SLC43A2: variants seen among roughly 807,000 people sequenced by gnomAD.
SLC43A2 encodes large neutral amino acids transporter small subunit 4.
In SLC43A2, 38 loss-of-function variants were observed where a neutral mutation model predicts 63.2. The ratio of observed to expected loss-of-function variants is 0.60; its 90% CI spans 0.46 to 0.79. SLC43A2 has a LOEUF of 0.79. SLC43A2 is among the 30% of genes least tolerant of loss of function. The pLI is 0.00. For missense variants in SLC43A2, 644 were observed against 756.2 expected, an observed-to-expected ratio of 0.85 and a Z score of 1.74; for synonymous variants, 322 against 331.0, an observed-to-expected ratio of 0.97 and a Z score of 0.30.
intron 9 of SLC43A2, chr17:1,586,928 T>TCCCCCCCCCCCCCCCCCCCCCCCCCG: frequency 5.7e-6 from 7 of 1,232,912 alleles, no homozygotes; most frequent in South Asian, 1.3e-5. Context: ...TCCCTGACAA[T>TCCCCCCCCCCCCCCCCCCCCCCCCCG]CCCCCCCACC....
intron 5 of SLC43A2, chr17:1,602,956 A>C (rs1906210583): frequency 6.6e-6 from 1 of 151,478 alleles, no homozygotes; most frequent in Non-Finnish European, 1.5e-5. Context: ...ACAGGGTTTC[A>C]CCATGTTGGC....
At chr17:1,623,638 GGCTGTAC>G (rs1908363311) in intron 2 of SLC43A2, among the ~76,000 whole-genome samples, 3 of 142,464 alleles carry the variant, frequency 2.1e-5, no homozygotes, top group Non-Finnish European at 3.0e-5. Context: ...CTCTCCTCCA[GGCTGTAC>G]CCTCCTCTCC....
intron 5 of SLC43A2, among the ~76,000 whole-genome samples, chr17:1,595,027 T>TA (rs1055707895): frequency 6.1e-4 from 92 of 151,278 alleles, no homozygotes; most frequent in East Asian, 9.7e-4. Context: ...TTTTTAAAGT[T>TA]AAAAAAAAGA....
intron 6 of SLC43A2, 34 bp from the exon 7 acceptor site, chr17:1,591,733 G>GA: frequency 1.7e-6 from 1 of 598,522 alleles, no homozygotes; most frequent in Non-Finnish European, 3.0e-6. Context: ...GTGGGGGGGG[G>GA]AGGGGGCAGA....
intron 9 of SLC43A2, among the ~76,000 whole-genome samples, chr17:1,588,697 CAAAAAAAAAA>C (rs35780448): frequency 2.2e-5 from 2 of 89,178 alleles, no homozygotes; most frequent in African/African-American, 8.6e-5. Context: ...GACCCCAACT[CAAAAAAAAAA>C]AAAAAAAAAA....
At chr17:1,595,268 G>A (rs1420895031) in intron 5 of SLC43A2, among the ~76,000 whole-genome samples, 10 of 147,786 alleles carry the variant, frequency 6.8e-5, no homozygotes, top group East Asian at 4.1e-4. Flanking sequence ...GTGACAGAGC[G>A]AGACTCTGTG....
chr17:1,595,258 G>A (rs1192196569), intron 5 of SLC43A2, among the ~76,000 whole-genome samples: 1 of 150,842 alleles, frequency 6.6e-6, no homozygotes, highest in East Asian at 2.0e-4. Context: ...TCCAGCCTGG[G>A]TGACAGAGCG....
At chr17:1,629,156 G>A (rs1908968236), upstream of SLC43A2, among the ~76,000 whole-genome samples, 1 of 151,924 alleles carries the variant, frequency 6.6e-6, no homozygotes, top group African/African-American at 2.4e-5. Context: ...CTCCGGCTCC[G>A]CGTCCCGGCC....
chr17:1,618,369 T>C (rs996259294), intron 2 of SLC43A2, among the ~76,000 whole-genome samples: 2 of 152,050 alleles, frequency 1.3e-5, no homozygotes, highest in African/African-American at 2.4e-5. Flanking sequence ...ATGAGAAAAA[T>C]TCAGAAAACC....
At position 1,587,379 on chromosome 17, in the gene SLC43A2, G is replaced by A. The variant is rs550559976; in HGVS notation, c.1079-1328C>T. Among the ~76,000 whole-genome samples, 8 of 152,342 alleles carry A rather than the reference G, an allele frequency of 5.3e-5. No homozygotes were observed. The East Asian group carries it at 1.5e-3, about 29-fold the overall frequency. ...CTCTGTCACATCTACCTCCTGCTGT[G>A]CTCAGAGAGAGGGAAAGGTCAAAGA... On this transcript the variant is annotated intron_variant, in intron 9 of 13. Transcript: ENST00000301335.
chr17:1,581,197 A>G (rs2151031244), intron 11 of SLC43A2, among the ~76,000 whole-genome samples: 2 of 16,902 alleles, frequency 1.2e-4, no homozygotes, highest in East Asian at 2.9e-3. Context: ...GGCTGTGCCC[A>G]GTGCCCACAC....
intron 4 of SLC43A2, among the ~76,000 whole-genome samples, chr17:1,614,736 G>A (rs9909877): frequency 0.17 from 26,346 of 152,098 alleles, 2,360 homozygotes; most frequent in South Asian, 0.24. Context: ...GTGAGGGACT[G>A]GCTTGGTTTG....
rs959969641 is a variant in SLC43A2, at chr17:1,606,635, G to A, written c.501+6560C>T. Among the ~76,000 whole-genome samples, 7 of 152,210 alleles carry A rather than the reference G, an allele frequency of 4.6e-5. No individual in the cohort carries two copies. The highest frequency in any genetic ancestry group is 1.7e-4 in the African/African-American group (7 of 41,456). On this transcript the variant is annotated intron_variant, in intron 5 of 13. Transcript: ENST00000301335. The surrounding 1 kb of genome is among the most constrained non-coding windows in gnomAD (Gnocchi z 4.7). ...CAAGATGCGGCCTCAGCCGCCGGCCGTGTTTGTGCTCCAGCCGATGAAGCG... is the reference window on the plus strand; with the variant it reads ...CAAGATGCGGCCTCAGCCGCCGGCCATGTTTGTGCTCCAGCCGATGAAGCG...
chr17:1,576,540 C>G (rs1375310272), intron 13 of SLC43A2, 57 bp downstream of exon 13: 1 of 1,544,936 alleles, frequency 6.5e-7, no homozygotes. Flanking sequence ...CCTTGCAGCT[C>G]GCAGTTAGCA....
At chr17:1,587,089 T>TACGTTTCCCGCACC (rs2076114945) in intron 9 of SLC43A2, 1 of 1,008,826 alleles carries the variant, frequency 9.9e-7, no homozygotes, top group Non-Finnish European at 1.4e-6. Context: ...TTTCCCACAC[T>TACGTTTCCCGCACC]GCGTTTCCCG....
Position 1,570,910 on chromosome 17 carries a change from C to T in SLC43A2, c.*4694G>A, listed in dbSNP as rs908150368. On this transcript the variant is annotated 3_prime_UTR_variant, in exon 14 of 14. Transcript: ENST00000301335. ...GATGATGGCACCAAAGTTCAAGACT[C>T]GCCCAGGGCCACCAAGACAGTCCTC... 2.4e-4 allele frequency: 37 copies of T among 152,464 alleles called. 1 individual carries two copies. Among genetic ancestry groups the T allele is most frequent in the Admixed American group, 2.0e-3 (30 of 15,298 alleles). The allele number at this position is 152,464 out of a possible 1,614,324, so 9.4% of individuals were successfully genotyped here.
At position 1,578,258 on chromosome 17, in the gene SLC43A2, G is replaced by A. The variant is rs151053639; in HGVS notation, c.1416C>T (p.Tyr472=). The A allele has an allele frequency of 3.0e-5, 48 of 1,613,726 alleles. No individual in the cohort carries two copies. Among genetic ancestry groups the A allele is most frequent in the Admixed American group, 1.2e-4 (7 of 59,986 alleles). ...CGGCTTCCAGGACTTACACGGCAGC[G>A]TACAGGCCCCCGACAGCGGAGTGGA... ...GFIHSAVGGL[Y]AAVYPSTQFG... Residue 472 remains tyrosine (Y), a synonymous_variant, in exon 12 of 14, where the codon TAC becomes TAT. Transcript: ENST00000301335. The surrounding 1 kb of genome is among the most constrained non-coding windows in gnomAD (Gnocchi z 6.5).
chr17:1,596,112 A>G (rs539934908), intron 5 of SLC43A2, among the ~76,000 whole-genome samples: 1 of 152,126 alleles, frequency 6.6e-6, no homozygotes, highest in Non-Finnish European at 1.5e-5. Context: ...CGAGGTCAGC[A>G]GTTCAACACC....
intron 2 of SLC43A2, among the ~76,000 whole-genome samples, chr17:1,620,840 G>A (rs901762110): frequency 6.6e-6 from 1 of 152,092 alleles, no homozygotes; most frequent in Non-Finnish European, 1.5e-5. Flanking sequence ...GGTCAGGAGA[G>A]AGACAAACAG....
Sources: gnomAD v4.1 joint callset for allele counts (sites outside exome capture counted in the v4.1 genomes callset) on GRCh38, gnomAD v4.1.1 for gene constraint, Gnocchi (gnomAD v3.1) non-coding constraint, MANE v1.5 for transcripts, NCBI Gene and HGNC (gene_info 2026-07-23, HGNC 2026-07-21) for gene names.